The following ADCK5 variants were observed in gnomAD, a reference collection of about 807,000 sequenced individuals.
ADCK5 encodes the protein uncharacterized aarF domain-containing protein kinase 5.
Under a neutral mutation model 64.9 loss-of-function variants are expected in ADCK5, and 43 were observed. That is an observed-to-expected ratio of 0.66 (90% confidence interval 0.52 to 0.85). ADCK5 has a LOEUF of 0.85. Among genes scored for constraint, ADCK5 ranks in the 40% least tolerant of loss-of-function variants. The pLI is 0.00. For synonymous variants in ADCK5, 434 were observed against 342.8 expected, an observed-to-expected ratio of 1.27 and a Z score of -2.94; for missense variants, 760 against 810.5, an observed-to-expected ratio of 0.94 and a Z score of 0.76.
rs1554860394 is a variant in ADCK5 at position 144,391,116 on chromosome 8, G to C, written c.544-18G>C. On this transcript the variant is annotated intron_variant, in intron 5 of 14. Transcript: ENST00000308860. ...TCCAGCAGTGGCCCCAGGCTGCTCT[G>C]AGCACCTGTCCTTCCAGGTGGATGA... 1.2e-6 allele frequency: 2 copies of C among 1,610,254 alleles called. No homozygotes were observed. The highest frequency in any genetic ancestry group is 1.3e-5 in the African/African-American group (1 of 74,898).
intron 3 of ADCK5, among the ~76,000 whole-genome samples, chr8:144,383,974 C>T (rs1288876687): frequency 6.6e-6 from 1 of 151,484 alleles, no homozygotes; most frequent in Admixed American, 6.6e-5. Context: ...CTCACTCAAG[C>T]CCCGCCTCCC....
intron 1 of ADCK5, 50 bp from the exon 2 acceptor site, chr8:144,379,337 G>T: frequency 7.1e-7 from 1 of 1,417,310 alleles, no homozygotes. Context: ...GTTGAGGGCA[G>T]GGGCGTGTCC....
At chr8:144,383,686 T>C (rs1218842012) in intron 3 of ADCK5, among the ~76,000 whole-genome samples, 1 of 152,198 alleles carries the variant, frequency 6.6e-6, no homozygotes, top group African/African-American at 2.4e-5. Context: ...AATCGGGTTA[T>C]TGCTGTCAGG....
chr8:144,379,578 A>C, intron 2 of ADCK5, 88 bp downstream of exon 2: 2 of 1,130,686 alleles, frequency 1.8e-6, no homozygotes, highest in Non-Finnish European at 2.5e-6. Context: ...TCGAGGGCCC[A>C]AGGCTGGACC....
In ADCK5 at chr8:144,392,159, C is replaced by G; in HGVS notation, c.1164C>G (p.Phe388Leu). 6.3e-7 allele frequency: 1 copy of G among 1,596,762 alleles called. No homozygotes were observed. The part of the protein sequence containing the change: ...LVLLDHGLYQ[F>L]LEEKDRAALC... ...TGCTGGACCACGGGCTCTACCAGTT[C>G]CTGGAGGAGAAGTGAGCGCGGGTGG... is the stretch of plus-strand genomic sequence containing the variant. The change falls in exon 11 of 15, where the codon TTC (phenylalanine) becomes TTG (leucine). Residue 388 changes from phenylalanine (F) to leucine (L), a missense_variant. Physicochemically the swap from Phe to Leu is conservative, Grantham distance 22. Around this residue, in one of 2 missense-constraint regions of ADCK5, gnomAD observed 333 missense variants for 292.0 expected, o/e 1.14. Transcript: ENST00000308860.
At chr8:144,386,806 G>T (rs1332721431) in intron 3 of ADCK5, among the ~76,000 whole-genome samples, 1 of 152,226 alleles carries the variant, frequency 6.6e-6, no homozygotes, top group Non-Finnish European at 1.5e-5. Context: ...TTCGCCCTGA[G>T]TCCCTTCTTA....
At chr8:144,388,897 G>A (rs782189350) in intron 3 of ADCK5, among the ~76,000 whole-genome samples, 48 of 152,220 alleles carry the variant, frequency 3.2e-4, no homozygotes, top group Non-Finnish European at 6.0e-4. Context: ...GTCCACCTGA[G>A]CGCCAGAGCT....
At chr8:144,386,762 G>A (rs1361250988) in intron 3 of ADCK5, among the ~76,000 whole-genome samples, 1 of 152,138 alleles carries the variant, frequency 6.6e-6, no homozygotes, top group Non-Finnish European at 1.5e-5. Context: ...CGGTCCTCCC[G>A]CTCCCATCCC....
intron 1 of ADCK5, chr8:144,375,721 G>T: frequency 1.1e-6 from 1 of 926,588 alleles, no homozygotes; most frequent in Non-Finnish European, 1.3e-6. Flanking sequence ...AGGTGTTTCC[G>T]TTTGTGCAGA....
At chr8:144,382,463 A>G (rs1045915182) in intron 2 of ADCK5, among the ~76,000 whole-genome samples, 2 of 152,240 alleles carry the variant, frequency 1.3e-5, no homozygotes, top group South Asian at 4.1e-4. Context: ...TGCTGTATTC[A>G]GCGAGTATTA....
intron 3 of ADCK5, among the ~76,000 whole-genome samples, chr8:144,385,019 G>A (rs184971774): frequency 1.1e-4 from 16 of 152,162 alleles, no homozygotes; most frequent in South Asian, 1.0e-3. Flanking sequence ...GAAGGAGCGC[G>A]GGTGAGGAGC....
chr8:144,377,021 T>C (rs1554857268), intron 1 of ADCK5, among the ~76,000 whole-genome samples: 1 of 152,270 alleles, frequency 6.6e-6, no homozygotes, highest in Non-Finnish European at 1.5e-5. Flanking sequence ...GGCTCTGAGC[T>C]CTGGCCAAAA....
In ADCK5 at chr8:144,389,454, G is replaced by A. The variant is rs1820102586; in HGVS notation, c.267-1217G>A. Reference sequence around the variant, plus strand: ...TCCAGAGGATGCCACCGTCCATACTGTCCCCTACCCCATCTCACCTGGGCA... The same window carrying A: ...TCCAGAGGATGCCACCGTCCATACTATCCCCTACCCCATCTCACCTGGGCA... On this transcript the variant is annotated intron_variant, in intron 3 of 14. Transcript: ENST00000308860. The A allele has an allele frequency of 7.0e-6, 3 of 426,096 alleles. No individual in the cohort carries two copies. In the Admixed American group the frequency reaches 7.2e-5, roughly 10 times the overall value. 26.4% of individuals were successfully genotyped at this position (426,096 alleles called of 1,614,324 possible).
chr8:144,392,985 A>AT lies in ADCK5; in HGVS notation c.1655dup (p.Met552IlefsTer68). 6.3e-7 allele frequency: 1 copy of AT among 1,589,046 alleles called. No homozygotes were observed. Among genetic ancestry groups the AT allele is most frequent in the Non-Finnish European group, 8.5e-7 (1 of 1,170,810 alleles). On this transcript the variant is annotated frameshift_variant, in exon 15 of 15. Transcript: ENST00000308860. LOFTEE classifies it low-confidence loss of function (END_TRUNC). ...CCCACGCAGGCTGGAGACCTTGGCCATGCGGCTGACCGCCCTCCTGGCTCG... is the reference window on the plus strand; with the variant it reads ...CCCACGCAGGCTGGAGACCTTGGCCATTGCGGCTGACCGCCCTCCTGGCTCG...
chr8:144,392,235 C>T lies in ADCK5; in HGVS notation c.1176-19C>T, dbSNP rs1318021719. 4 of 1,542,766 alleles carry T rather than the reference C, an allele frequency of 2.6e-6. No homozygotes were observed. Among genetic ancestry groups the T allele is most frequent in the African/African-American group, 1.4e-5 (1 of 73,258 alleles). Reference sequence around the variant, plus strand: ...TCCTGCCGCAGGGAGCTCATGGCTGCGGGCCCATCCACACCCAGGGACCGC... The same window carrying T: ...TCCTGCCGCAGGGAGCTCATGGCTGTGGGCCCATCCACACCCAGGGACCGC... On this transcript the variant is annotated intron_variant, in intron 11 of 14. Transcript: ENST00000308860.
Position 144,392,438 on chromosome 8 carries a change from T to A in ADCK5, c.1268-7T>A. ...CCCCCTCCCTCCCTCCCTCCCTCCC[T>A]CCCCAGACTACCTCCTGTTCGCCGA... On this transcript the variant is annotated splice_region_variant and splice_polypyrimidine_tract_variant and intron_variant, in intron 12 of 14. Transcript: ENST00000308860. The A allele has an allele frequency of 5.0e-6, 1 of 201,750 alleles. No individual in the cohort carries two copies. Among genetic ancestry groups the A allele is most frequent in the South Asian group, 3.8e-5 (1 of 26,158 alleles). 12.5% of individuals were successfully genotyped at this position (201,750 alleles called of 1,614,324 possible).
At chr8:144,379,746 A>C (rs1554857787) in intron 2 of ADCK5, among the ~76,000 whole-genome samples, 1 of 152,208 alleles carries the variant, frequency 6.6e-6, no homozygotes, top group East Asian at 1.9e-4. Flanking sequence ...AAGGGTGCAC[A>C]TGGAGCGCCT....
Position 144,393,072 on chromosome 8 carries a change from T to C in ADCK5, c.1741T>C (p.Ter581GlnextTer24). The C allele has an allele frequency of 3.2e-6, 5 of 1,572,012 alleles. No homozygotes were observed. The highest frequency in any genetic ancestry group is 4.3e-6 in the Non-Finnish European group (5 of 1,163,580). The change falls in exon 15 of 15, where the codon TAG becomes CAG. Residue 581 changes from the stop codon to glutamine (Q), a stop_lost. Coordinates refer to ENST00000308860, the MANE Select transcript of ADCK5 (RefSeq NM_174922.5). Reference protein sequence around the residue: ...AEELYQYLET* With the variant: ...AEELYQYLETQ ...GGAGCTCTACCAGTACCTGGAGACC[T>C]AGGGTGCAGCCGCCCAGGGCCGGCG...
chr8:144,383,248 C>T lies in ADCK5; in HGVS notation c.266+18C>T, dbSNP rs1302065378. The T allele has an allele frequency of 3.9e-6, 6 of 1,553,558 alleles. No homozygotes were observed. The highest frequency in any genetic ancestry group is 5.2e-6 in the Non-Finnish European group (6 of 1,148,430). On this transcript the variant is annotated intron_variant, in intron 3 of 14. Coordinates refer to ENST00000308860, the MANE Select transcript of ADCK5 (RefSeq NM_174922.5). ...TTTGGCAGGTAGGAGGGCCTGGCGG[C>T]AGGCAGGGGTTGCGGCGTGGCGGGC...
Sources: allele counts gnomAD v4.1 joint callset (sites outside exome capture counted in the v4.1 genomes callset), GRCh38; gene constraint gnomAD v4.1.1; regional missense constraint gnomAD v4.1.1; transcripts MANE v1.5; gene names NCBI Gene and HGNC (gene_info 2026-07-23, HGNC 2026-07-21).